Variants in SEC16A observed in about 807,000 individuals in gnomAD.
The protein encoded by SEC16A is SEC16 homolog A, endoplasmic reticulum export factor.
SEC16A carries 110 observed loss-of-function variants against 221.9 expected under a neutral mutation model. The observed-to-expected ratio is 0.50, with a 90% CI of 0.42 to 0.58. The LOEUF (loss-of-function observed/expected upper bound fraction) is 0.58. Among genes scored for constraint, SEC16A ranks in the 20% least tolerant of loss-of-function variants. The probability of loss-of-function intolerance (pLI) is 0.00; values close to 1 mark genes in which losing one functional copy is unlikely to be tolerated. For synonymous variants in SEC16A, 1,393 were observed against 1,257.7 expected (o/e 1.11, Z -2.28); for missense variants, 3,165 against 3,097.8 (o/e 1.02, Z -0.52).
At chr9:136,451,154 C>T (rs758799528) in intron 23 of SEC16A, 102 bp downstream of exon 23, 135 of 1,204,230 alleles carry the variant, frequency 1.1e-4, no homozygotes, top group Non-Finnish European at 1.6e-4. Context: ...TATCAGGAGG[C>T]TATTTGCATG....
intron 3 of SEC16A, 107 bp downstream of exon 3, chr9:136,473,942 C>T: frequency 3.2e-6 from 4 of 1,260,422 alleles, no homozygotes; most frequent in Non-Finnish European, 4.4e-6. Flanking sequence ...CTGTGGGTGA[C>T]CCCGGAACCA....
chr9:136,483,598 A>T (rs1842693511), upstream of SEC16A: 59 of 984,980 alleles, frequency 6.0e-5, no homozygotes, highest in Non-Finnish European at 7.1e-5. Context: ...TCTTTCTCCC[A>T]GTCTTTTTTC....
Position 136,444,977 on chromosome 9 carries a change from C to T in SEC16A, c.6927+75G>A, listed in dbSNP as rs1187084163. 38 of 1,357,884 alleles carry T rather than the reference C, an allele frequency of 2.8e-5. No homozygotes were observed. In the Admixed American group the frequency reaches 7.0e-4, roughly 25 times the overall value. 84.1% of individuals were successfully genotyped at this position (1,357,884 alleles called of 1,614,324 possible). A position where few individuals can be genotyped will look rare whatever the true frequency, so the allele number is the denominator to read the frequency against. ...TTAGTGGCAAAGCGCACGTGGCGAA[C>T]CGGCACCGCGTGCTCAGGAACACAG... On this transcript the variant is annotated intron_variant, in intron 30 of 31. Coordinates refer to ENST00000684901, the MANE Select transcript of SEC16A (RefSeq NM_014866.2).
rs529570854 is a variant in SEC16A, at chr9:136,474,270, G to A, written c.3346C>T (p.Pro1116Ser). ...VDAGQQLPPR[P>S]PQSSSVSLVS... ...AGAGACACGCTAGAGGACTGAGGAG[G>A]CCGAGGGGGCAGCTGCTGACCCGCG... The change falls in exon 3 of 32, where the codon CCT becomes TCT. Residue 1116 changes from proline (P) to serine (S), a missense_variant. Transcript: ENST00000684901. 1.9e-6 allele frequency: 3 copies of A among 1,607,326 alleles called. No individual in the cohort carries two copies. In the African/African-American group the frequency reaches 4.0e-5, roughly 21 times the overall value.
At chr9:136,443,682 T>C (rs1836525414) in intron 31 of SEC16A, 141 bp downstream of exon 31, 2 of 606,504 alleles carry the variant, frequency 3.3e-6, no homozygotes, top group Non-Finnish European at 5.8e-6. Context: ...AGCAAGACCC[T>C]GTCTCAATAA....
rs1332023041 is a variant in SEC16A at position 136,477,589 on chromosome 9, C to CG, written c.26dup (p.Ser10ValfsTer19). On this transcript the variant is annotated frameshift_variant, in exon 3 of 32. Coordinates refer to ENST00000684901, the MANE Select transcript of SEC16A (RefSeq NM_014866.2). LOFTEE classifies it high-confidence loss of function. ...CTGGAGGTGGCCCAGCCATGCCAGA[C>CG]GGGACCGTCTGGGGCGGTGGCTGCA... The CG allele has an allele frequency of 6.2e-6, 10 of 1,611,428 alleles. No individual in the cohort carries two copies. The highest frequency in any genetic ancestry group is 7.6e-6 in the Non-Finnish European group (9 of 1,179,046).
In SEC16A at chr9:136,447,933, A is replaced by G; in HGVS notation, c.6391-24T>C. ...ATCTGCCAAGATTTTAAAAAGAAAA[A>G]AGGTCAGCAGACTGAACCTAAACAG... is the stretch of plus-strand genomic sequence containing the variant. On this transcript the variant is annotated intron_variant, in intron 24 of 31. Coordinates refer to ENST00000684901, the MANE Select transcript of SEC16A (RefSeq NM_014866.2). This position sits in a 1 kb window ranked among gnomAD's most constrained non-coding sequence, Gnocchi z 5.5. The G allele has an allele frequency of 1.3e-6, 2 of 1,596,692 alleles. No individual in the cohort carries two copies. Among genetic ancestry groups the G allele is most frequent in the Non-Finnish European group, 1.7e-6 (2 of 1,170,298 alleles).
At position 136,471,740 on chromosome 9, in the gene SEC16A, G is replaced by A. The variant is rs61287939; in HGVS notation, c.3704+235C>T. On this transcript the variant is annotated intron_variant, in intron 4 of 31. Coordinates refer to ENST00000684901, the MANE Select transcript of SEC16A (RefSeq NM_014866.2). ...AGGGTCTGGCCCCAGTAGGGGTGGC[G>A]CCAAATGCTAACTGACCAGCACAGC... Among the ~76,000 whole-genome samples the A allele has an allele frequency of 2.5e-3, 388 of 152,352 alleles. 2 individuals carry two copies. Among genetic ancestry groups the A allele is most frequent in the African/African-American group, 8.9e-3 (370 of 41,574 alleles).
At chr9:136,472,640 G>A (rs1320910933) in intron 3 of SEC16A, among the ~76,000 whole-genome samples, 1 of 152,238 alleles carries the variant, frequency 6.6e-6, no homozygotes, top group African/African-American at 2.4e-5. Flanking sequence ...ATTCTCGGGA[G>A]GCTTCAGCCC....
rs778750948 is a variant in SEC16A at position 136,455,587 on chromosome 9, G to T, written c.5857+14C>A. On this transcript the variant is annotated intron_variant, in intron 20 of 31. Transcript: ENST00000684901. Reference sequence around the variant, plus strand: ...GGGCTTGTCTGAGGGCAGCAGCCGCGCACCTGGGCTCACCTGAGGGCAGCA... The same window carrying T: ...GGGCTTGTCTGAGGGCAGCAGCCGCTCACCTGGGCTCACCTGAGGGCAGCA... 16 of 1,540,696 alleles carry T rather than the reference G, an allele frequency of 1.0e-5. No homozygotes were observed. Among genetic ancestry groups the T allele is most frequent in the Non-Finnish European group, 1.3e-5 (15 of 1,145,858 alleles).
chr9:136,471,910 T>C lies in SEC16A; in HGVS notation c.3704+65A>G, dbSNP rs935564670. 1.2e-5 allele frequency: 19 copies of C among 1,576,654 alleles called. No homozygotes were observed. The African/African-American group carries it at 1.3e-4, about 11-fold the overall frequency. ...TTTTTGAGTCACTAAGTTATCCCCA[T>C]AGCAAGCAACACAGACATGGGTCTG... is the stretch of plus-strand genomic sequence containing the variant. On this transcript the variant is annotated intron_variant, in intron 4 of 31. Coordinates refer to ENST00000684901, the MANE Select transcript of SEC16A (RefSeq NM_014866.2).
chr9:136,482,720 G>A (rs1050551240), intron 1 of SEC16A, among the ~76,000 whole-genome samples: 1 of 152,128 alleles, frequency 6.6e-6, no homozygotes, highest in Non-Finnish European at 1.5e-5. Context: ...CGAGTCCCAC[G>A]GCGGCCCGCG....
chr9:136,480,615 G>A (rs1286148730), intron 1 of SEC16A, among the ~76,000 whole-genome samples: 1 of 152,158 alleles, frequency 6.6e-6, no homozygotes, highest in Non-Finnish European at 1.5e-5. Context: ...GGGGTGGCCG[G>A]GCACGGTGGC....
chr9:136,453,615 C>T lies in SEC16A; in HGVS notation c.6077-105G>A, dbSNP rs1042156286. On this transcript the variant is annotated intron_variant, in intron 21 of 31. Coordinates refer to ENST00000684901, the MANE Select transcript of SEC16A (RefSeq NM_014866.2). ...CACCACCTTCCCACCCAGCTACCGC[C>T]ACACCAGCATGATCTGCAGAAACCA... The T allele has an allele frequency of 9.5e-6, 8 of 840,652 alleles. No individual in the cohort carries two copies. In the African/African-American group the frequency reaches 1.3e-4, roughly 14 times the overall value. The allele number at this position is 840,652 out of a possible 1,614,324, so 52.1% of individuals were successfully genotyped here.
intron 1 of SEC16A, among the ~76,000 whole-genome samples, chr9:136,481,856 CAG>C (rs1842407361): frequency 6.6e-6 from 1 of 152,156 alleles, no homozygotes; most frequent in South Asian, 2.1e-4. Flanking sequence ...AAGCCAGCGA[CAG>C]AGGAGGCCAG....
rs983151469 is a variant in SEC16A at position 136,440,239 on chromosome 9, G to GCCGA, written c.*1512_*1515dup. On this transcript the variant is annotated 3_prime_UTR_variant, in exon 32 of 32. Transcript: ENST00000684901. ...AGTCGACCCCAGAACAGCGGGCAGA[G>GCCGA]CCGACCGGAAGAGGTCCCAGGATTC... The GCCGA allele has an allele frequency of 2.0e-5, 3 of 152,342 alleles. No homozygotes were observed. Among genetic ancestry groups the GCCGA allele is most frequent in the Non-Finnish European group, 4.4e-5 (3 of 68,060 alleles). The allele number at this position is 152,342 out of a possible 1,614,324, so 9.4% of individuals were successfully genotyped here. A position where few individuals can be genotyped will look rare whatever the true frequency, so the allele number is the denominator to read the frequency against.
At chr9:136,467,476 G>A (rs1443911309) in intron 5 of SEC16A, among the ~76,000 whole-genome samples, 1 of 152,114 alleles carries the variant, frequency 6.6e-6, no homozygotes, top group East Asian at 1.9e-4. Flanking sequence ...CTAAGTGCTG[G>A]GATCACAGGT....
At chr9:136,470,394 G>C (rs1457470172) in intron 4 of SEC16A, among the ~76,000 whole-genome samples, 1 of 152,182 alleles carries the variant, frequency 6.6e-6, no homozygotes, top group Non-Finnish European at 1.5e-5. Flanking sequence ...AAGGAAAACG[G>C]AACAGTGAGA....
At chr9:136,452,977 A>G (rs1838068350) in intron 22 of SEC16A, among the ~76,000 whole-genome samples, 1 of 151,338 alleles carries the variant, frequency 6.6e-6, no homozygotes, top group Non-Finnish European at 1.5e-5. Flanking sequence ...AGGCTGAGGC[A>G]CAGAACTGCT....
Sources: gnomAD v4.1 joint callset for allele counts (sites outside exome capture counted in the v4.1 genomes callset) on GRCh38, gnomAD v4.1.1 for gene constraint, Gnocchi (gnomAD v3.1) non-coding constraint, MANE v1.5 for transcripts, NCBI Gene and HGNC (gene_info 2026-07-23, HGNC 2026-07-21) for gene names.